Variants in TTC27 observed in about 807,000 individuals in gnomAD.
The protein encoded by TTC27 is tetratricopeptide repeat domain 27, also known as tetratricopeptide repeat protein 27.
Under a neutral mutation model 115.9 loss-of-function variants are expected in TTC27, and 79 were observed. That is an observed-to-expected ratio of 0.68 (90% CI 0.57 to 0.82). TTC27 has a LOEUF of 0.82. Ranked by LOEUF, TTC27 falls within the 40% of genes least tolerant of loss-of-function variation. TTC27 has a pLI of 0.00. For missense variants in TTC27, 1,054 were observed against 993.1 expected (o/e 1.06, Z -0.82); for synonymous variants, 401 against 356.0 (o/e 1.13, Z -1.42).
At chr2:32,704,966 C>T in intron 10 of TTC27, 1 of 468,668 alleles carries the variant, frequency 2.1e-6, no homozygotes, top group South Asian at 1.6e-5. Context: ...CTACTCTTTT[C>T]CCATTGTAAT....
intron 18 of TTC27, among the ~76,000 whole-genome samples, chr2:32,815,984 C>T (rs1255374503): frequency 6.6e-6 from 1 of 152,154 alleles, no homozygotes; most frequent in East Asian, 1.9e-4. Context: ...TTGCCAGGCA[C>T]AGGCAGCCTC....
chr2:32,658,230 C>A (rs1034066554), intron 5 of TTC27, among the ~76,000 whole-genome samples: 1 of 152,172 alleles, frequency 6.6e-6, no homozygotes, highest in African/African-American at 2.4e-5. Context: ...TCAAGAGATC[C>A]TCCCACTTCG....
At chr2:32,678,242 G>C (rs1219491775) in intron 8 of TTC27, among the ~76,000 whole-genome samples, 1 of 131,118 alleles carries the variant, frequency 7.6e-6, no homozygotes, top group Non-Finnish European at 1.6e-5. Context: ...GTGACACAGT[G>C]AGCCCTGTCT....
chr2:32,732,166 T>A (rs1211333551), intron 10 of TTC27, among the ~76,000 whole-genome samples: 2 of 152,230 alleles, frequency 1.3e-5, no homozygotes, highest in Non-Finnish European at 2.9e-5. Context: ...TGTAACCATA[T>A]GTATGCAGCC....
chr2:32,737,811 T>C (rs1668496043), intron 12 of TTC27, among the ~76,000 whole-genome samples: 1 of 152,058 alleles, frequency 6.6e-6, no homozygotes, highest in Admixed American at 6.6e-5. Flanking sequence ...AAGACCAGCC[T>C]GGGCAACCAA....
intron 9 of TTC27, among the ~76,000 whole-genome samples, chr2:32,695,002 G>T (rs1338249326): frequency 2.6e-5 from 4 of 151,998 alleles, no homozygotes; most frequent in Admixed American, 6.6e-5. Context: ...TAAGGATTTT[G>T]ACAGTAGTGG....
At chr2:32,631,509 C>T (rs1376435262) in intron 2 of TTC27, among the ~76,000 whole-genome samples, 3 of 152,172 alleles carry the variant, frequency 2.0e-5, no homozygotes, top group African/African-American at 4.8e-5. Context: ...GATAGTTACA[C>T]AGCAGGGAAA....
At chr2:32,680,049 A>G (rs373303165) in intron 9 of TTC27, among the ~76,000 whole-genome samples, 4 of 151,910 alleles carry the variant, frequency 2.6e-5, no homozygotes, top group African/African-American at 9.7e-5. Flanking sequence ...TGTAATATAA[A>G]TTTTTCACGT....
At chr2:32,780,281 A>G (rs1427042981) in intron 14 of TTC27, among the ~76,000 whole-genome samples, 1 of 152,128 alleles carries the variant, frequency 6.6e-6, no homozygotes, top group Non-Finnish European at 1.5e-5. Context: ...AAGTCTTTTG[A>G]TCCATGAACA....
chr2:32,664,499 T>C (rs776436689), intron 6 of TTC27, 32 bp downstream of exon 6: 1 of 1,572,828 alleles, frequency 6.4e-7, no homozygotes, highest in Non-Finnish European at 8.6e-7. Flanking sequence ...TAATTGATTT[T>C]ATTTTTATGA....
chr2:32,765,065 A>G (rs1669578132), intron 13 of TTC27, among the ~76,000 whole-genome samples: 1 of 152,206 alleles, frequency 6.6e-6, no homozygotes, highest in African/African-American at 2.4e-5. Context: ...CCTCCCATGA[A>G]TCAGGAATGT....
chr2:32,660,943 G>A (rs1250127855), intron 5 of TTC27, among the ~76,000 whole-genome samples: 1 of 152,092 alleles, frequency 6.6e-6, no homozygotes, highest in Non-Finnish European at 1.5e-5. Context: ...GTTAATTTTT[G>A]TATAAGGTGT....
intron 12 of TTC27, among the ~76,000 whole-genome samples, chr2:32,757,723 A>C (rs1669281861): frequency 6.6e-6 from 1 of 151,128 alleles, no homozygotes; most frequent in Admixed American, 6.6e-5. Flanking sequence ...TCAGAGTTTC[A>C]CTCTTGTTGT....
At chr2:32,671,784 A>G (rs1489567441) in intron 7 of TTC27, among the ~76,000 whole-genome samples, 1 of 152,238 alleles carries the variant, frequency 6.6e-6, no homozygotes, top group Non-Finnish European at 1.5e-5. Context: ...TATTGCTGAG[A>G]CACAGAGTTG....
chr2:32,640,499 G>A (rs886070944), intron 4 of TTC27, 89 bp downstream of exon 4: 14 of 1,352,922 alleles, frequency 1.0e-5, no homozygotes, highest in African/African-American at 1.0e-4. Context: ...ACAATGTCTT[G>A]GTCTATTTTG....
intron 3 of TTC27, among the ~76,000 whole-genome samples, chr2:32,639,720 C>T (rs917441939): frequency 3.0e-4 from 45 of 151,952 alleles, no homozygotes; most frequent in African/African-American, 1.0e-3. Flanking sequence ...AAAGTTTGAA[C>T]ATGCCAGGCG....
At chr2:32,798,399 CA>C (rs984616600) in intron 16 of TTC27, among the ~76,000 whole-genome samples, 1 of 133,288 alleles carries the variant, frequency 7.5e-6, no homozygotes, top group African/African-American at 2.9e-5. Context: ...GACTCCATCT[CA>C]AAAAAAAGAA....
At chr2:32,668,655 C>T (rs1417835557) in intron 7 of TTC27, among the ~76,000 whole-genome samples, 1 of 149,578 alleles carries the variant, frequency 6.7e-6, no homozygotes. Context: ...CTCCTGGGCT[C>T]AAGCAATCTT....
chr2:32,708,895 G>A (rs1418002157), intron 10 of TTC27, among the ~76,000 whole-genome samples: 1 of 152,124 alleles, frequency 6.6e-6, no homozygotes, highest in Non-Finnish European at 1.5e-5. Context: ...TACAAAATAT[G>A]TGTTAATTGG....
Sources: gnomAD v4.1 joint callset for allele counts (sites outside exome capture counted in the v4.1 genomes callset) on GRCh38, gnomAD v4.1.1 for gene constraint, MANE v1.5 for transcripts, NCBI Gene and HGNC (gene_info 2026-07-23, HGNC 2026-07-21) for gene names.